Variants in EDNRB observed in about 807,000 individuals in gnomAD.
EDNRB encodes endothelin receptor type B.
In EDNRB, 18 loss-of-function variants were observed where a neutral mutation model predicts 46.4. The observed-to-expected ratio is 0.39, with a 90% confidence interval of 0.27 to 0.57. EDNRB has a LOEUF of 0.57. Ranked by LOEUF, EDNRB falls within the 20% of genes least tolerant of loss-of-function variation. EDNRB has a pLI of 0.61. For missense variants in EDNRB, 434 were observed against 537.5 expected, an observed-to-expected ratio of 0.81 and a Z score of 1.90; for synonymous variants, 213 against 204.9, an observed-to-expected ratio of 1.04 and a Z score of -0.34.
rs1233747891 is a variant in EDNRB, at chr13:77,900,641, G to A, written c.965C>T (p.Ala322Val). ...AAGGACCAGGCAAAAGACGGTTTTG[G>A]CCACTTCCCGTCTCTGAAATAAATC... is the stretch of plus-strand genomic sequence containing the variant. ...NDHLKQRREV[A>V]KTVFCLVLVF... The change falls in exon 5 of 7, where the codon GCC becomes GTC. Residue 322 changes from alanine (A) to valine (V), a missense_variant. Coordinates refer to ENST00000646607, the MANE Select transcript of EDNRB (RefSeq NM_001122659.3). The A allele has an allele frequency of 1.2e-6, 2 of 1,612,114 alleles. No homozygotes were observed. The highest frequency in any genetic ancestry group is 2.7e-5 in the African/African-American group (2 of 74,746).
chr13:77,903,048 A>G (rs1879078312), intron 3 of EDNRB, 108 bp downstream of exon 3: 1 of 1,188,164 alleles, frequency 8.4e-7, no homozygotes, highest in African/African-American at 1.5e-5. Context: ...AATTTATGCC[A>G]AGGACAGTCA....
At chr13:77,955,561 T>G (rs532170923) in intron 1 of EDNRB, among the ~76,000 whole-genome samples, 1 of 152,188 alleles carries the variant, frequency 6.6e-6, no homozygotes, top group Non-Finnish European at 1.5e-5. Flanking sequence ...TTGTCCATCA[T>G]CAAGAATATT....
At position 77,949,155 on chromosome 13, in the gene EDNRB, C is replaced by T. The variant is rs543181630; in HGVS notation, c.-52+26192G>A. ...GTCTATGATATTACAGAATATGCAG[C>T]CACACAGGTATGTCACTTAGATTTC... On this transcript the variant is annotated intron_variant, in intron 1 of 7. Coordinates refer to the EDNRB transcript ENST00000646948. Among the ~76,000 whole-genome samples, 64 of 152,246 alleles carry T rather than the reference C, an allele frequency of 4.2e-4. 1 individual carries two copies. Among genetic ancestry groups the T allele is most frequent in the Non-Finnish European group, 1.6e-4 (11 of 68,012 alleles).
chr13:77,928,664 C>T (rs981233294), intron 1 of EDNRB, among the ~76,000 whole-genome samples: 4 of 152,038 alleles, frequency 2.6e-5, no homozygotes, highest in African/African-American at 7.2e-5. Flanking sequence ...CTTTTTCCTT[C>T]AGAATTCCAG....
At chr13:77,955,989 C>G (rs941529885) in intron 1 of EDNRB, among the ~76,000 whole-genome samples, 1 of 151,752 alleles carries the variant, frequency 6.6e-6, no homozygotes, top group Non-Finnish European at 1.5e-5. Context: ...TCTTCTTGTT[C>G]AGATTGTTTT....
intron 1 of EDNRB, among the ~76,000 whole-genome samples, chr13:77,960,353 A>G (rs1881367608): frequency 6.6e-6 from 1 of 152,240 alleles, no homozygotes; most frequent in Admixed American, 6.5e-5. Flanking sequence ...CAGAAACTCT[A>G]TAAGCCAGAA....
upstream of EDNRB, chr13:77,919,268 A>G: frequency 1.0e-6 from 1 of 999,414 alleles, no homozygotes. Context: ...TACCCAACCT[A>G]ATTTTAATTT....
intron 1 of EDNRB, among the ~76,000 whole-genome samples, chr13:77,940,555 G>A (rs1233867607): frequency 1.3e-5 from 2 of 152,174 alleles, no homozygotes; most frequent in Admixed American, 1.3e-4. Context: ...AAGTAGACGT[G>A]GAGAAACAGG....
chr13:77,958,190 A>G (rs1881294832), intron 1 of EDNRB, among the ~76,000 whole-genome samples: 1 of 152,208 alleles, frequency 6.6e-6, no homozygotes, highest in African/African-American at 2.4e-5. Context: ...ATATTCAGCT[A>G]TCTGGAAATA....
intron 1 of EDNRB, among the ~76,000 whole-genome samples, chr13:77,952,744 C>T (rs1881127275): frequency 6.6e-6 from 1 of 151,994 alleles, no homozygotes; most frequent in Non-Finnish European, 1.5e-5. Flanking sequence ...CTCATGATGC[C>T]CTGGACCTAA....
At chr13:77,954,879 A>G (rs578160720) in intron 1 of EDNRB, among the ~76,000 whole-genome samples, 29 of 152,252 alleles carry the variant, frequency 1.9e-4, no homozygotes, top group African/African-American at 6.5e-4. Context: ...TAATGGACAT[A>G]TTTGTTGTTT....
intron 1 of EDNRB, among the ~76,000 whole-genome samples, chr13:77,962,361 A>T (rs1490420998): frequency 6.6e-6 from 1 of 152,328 alleles, no homozygotes. Flanking sequence ...TCCCTGATGA[A>T]CTTTGATGCA....
At chr13:77,921,952 G>T (rs1880097396), upstream of EDNRB, among the ~76,000 whole-genome samples, 1 of 150,838 alleles carries the variant, frequency 6.6e-6, no homozygotes, top group African/African-American at 2.4e-5. Context: ...TATGGATATA[G>T]TTTTTTTTTC....
intron 1 of EDNRB, among the ~76,000 whole-genome samples, chr13:77,969,908 G>A (rs547289980): frequency 7.2e-4 from 110 of 152,282 alleles, no homozygotes; most frequent in Non-Finnish European, 1.2e-3. Flanking sequence ...ACCAACACCA[G>A]AAGCCTGCAT....
chr13:77,940,957 A>G (rs1162042628), intron 1 of EDNRB, among the ~76,000 whole-genome samples: 1 of 152,226 alleles, frequency 6.6e-6, no homozygotes, highest in East Asian at 1.9e-4. Flanking sequence ...GTTTTATACT[A>G]TTGATTAAGA....
intron 1 of EDNRB, among the ~76,000 whole-genome samples, chr13:77,917,739 G>A (rs757019416): frequency 1.3e-5 from 2 of 152,168 alleles, no homozygotes; most frequent in Non-Finnish European, 2.9e-5. Flanking sequence ...ACAAATTACT[G>A]TGCTCCACTC....
chr13:77,902,023 T>G (rs904801206), intron 3 of EDNRB, among the ~76,000 whole-genome samples: 3 of 151,968 alleles, frequency 2.0e-5, no homozygotes, highest in Admixed American at 2.0e-4. Context: ...AAGAGCCTTT[T>G]ACACTCAGGA....
chr13:77,919,455 C>T (rs368858906), upstream of EDNRB: 42 of 1,612,642 alleles, frequency 2.6e-5, no homozygotes, highest in African/African-American at 4.3e-4. Flanking sequence ...TCCCGGGAGG[C>T]GGAACCCAGC....
At chr13:77,913,536 A>G (rs1566313613) in intron 1 of EDNRB, among the ~76,000 whole-genome samples, 1 of 152,200 alleles carries the variant, frequency 6.6e-6, no homozygotes, top group Non-Finnish European at 1.5e-5. Context: ...TTCTTTACAC[A>G]TAAAGGAAGC....
Sources: allele counts gnomAD v4.1 joint callset (sites outside exome capture counted in the v4.1 genomes callset), GRCh38; gene constraint gnomAD v4.1.1; transcripts MANE v1.5; gene names NCBI Gene and HGNC (gene_info 2026-07-23, HGNC 2026-07-21).